SMG8: variants seen among roughly 807,000 people sequenced by gnomAD.
SMG8 encodes SMG8 nonsense mediated mRNA decay factor, also known as nonsense-mediated mRNA decay factor SMG8.
Under a neutral mutation model 82.1 loss-of-function variants are expected in SMG8, and 49 were observed. The observed-to-expected ratio is 0.60, with a 90% CI of 0.47 to 0.76. The LOEUF (loss-of-function observed/expected upper bound fraction) is 0.76. SMG8 is among the 30% of genes least tolerant of loss of function. The probability of loss-of-function intolerance (pLI) is 0.00; values close to 1 mark genes in which losing one functional copy is unlikely to be tolerated. For missense variants in SMG8, 969 were observed against 1,166.4 expected (o/e 0.83, Z 2.46); for synonymous variants, 404 against 430.0 (o/e 0.94, Z 0.75).
At position 59,213,200 on chromosome 17, in the gene SMG8, A is replaced by C. The variant is rs758578300; in HGVS notation, c.2377A>C (p.Asn793His). The C allele has an allele frequency of 3.1e-5, 50 of 1,614,062 alleles. No individual in the cohort carries two copies. In the Admixed American group the frequency reaches 6.0e-4, roughly 19 times the overall value. ...CCAACAGGGCTTTATTCCAGGAACA[A>C]ATTATCTTATGCCTTGGGACATTGT... ...LDQQGFIPGT[N>H]YLMPWDIVIR... The change falls in exon 3 of 4, where the codon AAT (asparagine) becomes CAT (histidine). Residue 793 changes from asparagine to histidine, a missense_variant. Around this residue, in one of 3 missense-constraint regions of SMG8, gnomAD observed 662 missense variants for 884.8 expected, o/e 0.75. Coordinates refer to ENST00000300917, the MANE Select transcript of SMG8 (RefSeq NM_018149.7).
In SMG8 at chr17:59,213,566, C is replaced by A; in HGVS notation, c.2743C>A (p.Pro915Thr). ...AQLMRLFVVV[P>T]DAPLQIILMP... Reference sequence around the variant, plus strand: ...ACTTATGAGGCTTTTTGTTGTGGTTCCTGATGCTCCTTTGCAGATAATACT... The same window carrying A: ...ACTTATGAGGCTTTTTGTTGTGGTTACTGATGCTCCTTTGCAGATAATACT... The change falls in exon 3 of 4, where the codon CCT (proline) becomes ACT (threonine). Residue 915 changes from proline to threonine, a missense_variant. Coordinates refer to ENST00000300917, the MANE Select transcript of SMG8 (RefSeq NM_018149.7). The A allele has an allele frequency of 6.2e-7, 1 of 1,613,488 alleles. No homozygotes were observed. Among genetic ancestry groups the A allele is most frequent in the Non-Finnish European group, 8.5e-7 (1 of 1,179,814 alleles).
rs766473219 is a variant in SMG8 at position 59,210,692 on chromosome 17, A to G, written c.641A>G (p.His214Arg). The G allele has an allele frequency of 6.2e-7, 1 of 1,613,958 alleles. No homozygotes were observed. The highest frequency in any genetic ancestry group is 2.2e-5 in the East Asian group (1 of 44,880). Residue 214 changes from histidine to arginine, a missense_variant, in exon 1 of 4, where the codon CAT becomes CGT. His to Arg is a conservative substitution (Grantham distance 29, BLOSUM62 0). Coordinates refer to ENST00000300917, the MANE Select transcript of SMG8 (RefSeq NM_018149.7). ...FSVCHILLLV[H>R]PTCSFDITYD... Reference sequence around the variant, plus strand: ...GTCTGTCATATCTTGCTTCTGGTCCATCCCACTTGTTCCTTTGATATCACT... The same window carrying G: ...GTCTGTCATATCTTGCTTCTGGTCCGTCCCACTTGTTCCTTTGATATCACT...
rs371885049 is a variant in SMG8, at chr17:59,211,219, C to T, written c.1168C>T (p.Leu390Phe). ...QVMRQHSRQQ[L>F]SFHIDSSSSS... ...GATGAGGCAGCACAGCCGACAACAACTTTCCTTTCACATTGACAGCAGCAG... is the reference window on the plus strand; with the variant it reads ...GATGAGGCAGCACAGCCGACAACAATTTTCCTTTCACATTGACAGCAGCAG... Residue 390 changes from leucine to phenylalanine, a missense_variant, in exon 1 of 4, where the codon CTT becomes TTT. Physicochemically the swap from Leu to Phe is conservative, Grantham distance 22. Around this residue, in one of 3 missense-constraint regions of SMG8, gnomAD observed 662 missense variants for 884.8 expected, o/e 0.75. Transcript: ENST00000300917. The T allele has an allele frequency of 6.8e-6, 11 of 1,614,070 alleles. No homozygotes were observed. Among genetic ancestry groups the T allele is most frequent in the Non-Finnish European group, 7.6e-6 (9 of 1,179,998 alleles).
rs752034249 is a variant in SMG8 at position 59,212,409 on chromosome 17, G to T, written c.1828G>T (p.Ala610Ser). The T allele has an allele frequency of 1.2e-6, 2 of 1,609,440 alleles. No homozygotes were observed. The highest frequency in any genetic ancestry group is 1.7e-6 in the Non-Finnish European group (2 of 1,176,424). The change falls in exon 2 of 4, where the codon GCT (alanine) becomes TCT (serine). Residue 610 changes from alanine to serine, a missense_variant. Around this residue, in one of 3 missense-constraint regions of SMG8, gnomAD observed 662 missense variants for 884.8 expected, o/e 0.75. Coordinates refer to ENST00000300917, the MANE Select transcript of SMG8 (RefSeq NM_018149.7). ...YHNSRARSTGACNCGRKQAPR... is the reference protein window; with the variant it reads ...YHNSRARSTGSCNCGRKQAPR... ...CAATAGCCGAGCTCGATCTACTGGT[G>T]CTTGCAACTGTGGAAGGAAACAAGC...
At position 59,213,604 on chromosome 17, in the gene SMG8, A is replaced by G; in HGVS notation, c.2778+3A>G. 6.3e-7 allele frequency: 1 copy of G among 1,594,344 alleles called. No homozygotes were observed. Among genetic ancestry groups the G allele is most frequent in the South Asian group, 1.1e-5 (1 of 87,520 alleles). ...TGCAGATAATACTAATGCCTCAGGT[A>G]AGAAATATAACCCTCTGCAGCCCCA... On this transcript the variant is annotated splice_donor_region_variant and intron_variant, in intron 3 of 3. Coordinates refer to ENST00000300917, the MANE Select transcript of SMG8 (RefSeq NM_018149.7).
chr17:59,213,015 A>G lies in SMG8; in HGVS notation c.2192A>G (p.Glu731Gly), dbSNP rs1472950508. 3 of 1,614,084 alleles carry G rather than the reference A, an allele frequency of 1.9e-6. No individual in the cohort carries two copies. Among genetic ancestry groups the G allele is most frequent in the Non-Finnish European group, 2.5e-6 (3 of 1,180,056 alleles). ...EVHGQVEVKT[E>G]KRPNFVDRQA... Reference sequence around the variant, plus strand: ...CATGGTCAAGTAGAAGTGAAAACTGAGAAGAGGCCAAACTTCGTTGATCGA... The same window carrying G: ...CATGGTCAAGTAGAAGTGAAAACTGGGAAGAGGCCAAACTTCGTTGATCGA... The change falls in exon 3 of 4, where the codon GAG becomes GGG. Residue 731 changes from glutamate (E) to glycine (G), a missense_variant. This residue lies in a region of SMG8 where 662 missense variants were observed against 884.8 expected (regional missense o/e 0.75). Coordinates refer to ENST00000300917, the MANE Select transcript of SMG8 (RefSeq NM_018149.7).
chr17:59,213,335 C>A lies in SMG8; in HGVS notation c.2512C>A (p.Arg838=). ...RSAVVMGRGR[R]RDDIARAFVG... Reference sequence around the variant, plus strand: ...TGCGGTTGTAATGGGAAGAGGAAGACGGCGAGATGACATAGCTCGAGCTTT... The same window carrying A: ...TGCGGTTGTAATGGGAAGAGGAAGAAGGCGAGATGACATAGCTCGAGCTTT... Residue 838 remains arginine (R), a synonymous_variant, in exon 3 of 4, where the codon CGG becomes AGG. Transcript: ENST00000300917. 3 of 1,614,128 alleles carry A rather than the reference C, an allele frequency of 1.9e-6. No individual in the cohort carries two copies. The South Asian group carries it at 3.3e-5, about 18-fold the overall frequency.
Position 59,214,903 on chromosome 17 carries a change from A to G in SMG8, c.2877A>G (p.Ala959=), listed in dbSNP as rs771803275. ...TTTGGGTTTTGAGATTTCCTTATGC[A>G]TATGTGACTGAGAGAGGACCTTGTT... ...DGLWVLRFPY[A]YVTERGPCFP... Residue 959 remains alanine, a synonymous_variant, in exon 4 of 4, where the codon GCA becomes GCG. Transcript: ENST00000300917. 1.1e-6 allele frequency: 1 copy of G among 872,852 alleles called. No homozygotes were observed. Among genetic ancestry groups the G allele is most frequent in the African/African-American group, 1.6e-5 (1 of 61,322 alleles). The allele number at this position is 872,852 out of a possible 1,614,324, so 54.1% of individuals were successfully genotyped here. A position where few individuals can be genotyped will look rare whatever the true frequency, so the allele number is the denominator to read the frequency against.
Position 59,211,078 on chromosome 17 carries a change from C to G in SMG8, c.1027C>G (p.Gln343Glu). The change falls in exon 1 of 4, where the codon CAG becomes GAG. Residue 343 changes from glutamine to glutamate, a missense_variant. Physicochemically the swap from Gln to Glu is conservative, Grantham distance 29 (BLOSUM62 2). Around this residue, in one of 3 missense-constraint regions of SMG8, gnomAD observed 662 missense variants for 884.8 expected, o/e 0.75. Coordinates refer to ENST00000300917, the MANE Select transcript of SMG8 (RefSeq NM_018149.7). ...TTTCGTGTACATAGTACCGGGAAGC[C>G]AGGAGGAGGACCCAGTAGGTATGTT... is the stretch of plus-strand genomic sequence containing the variant. ...QAFVYIVPGS[Q>E]EEDPVGMLLD... 1 of 1,614,162 alleles carries G rather than the reference C, an allele frequency of 6.2e-7. No homozygotes were observed. The highest frequency in any genetic ancestry group is 1.1e-5 in the South Asian group (1 of 91,082).
rs898177948 is a variant in SMG8, at chr17:59,210,337, G to C, written c.286G>C (p.Ala96Pro). The change falls in exon 1 of 4, where the codon GCT becomes CCT. Residue 96 changes from alanine (A) to proline (P), a missense_variant. Coordinates refer to ENST00000300917, the MANE Select transcript of SMG8 (RefSeq NM_018149.7). ...GDPGPGIRTE[A>P]GAVGEAGGAE... ...TCCAGGACCTGGAATCAGAACTGAG[G>C]CTGGCGCCGTGGGTGAGGCCGGTGG... The C allele has an allele frequency of 4.3e-6, 7 of 1,612,578 alleles. No individual in the cohort carries two copies. In the Middle Eastern group the frequency reaches 9.9e-4, roughly 228 times the overall value.
intron 2 of SMG8, 27 bp from the exon 3 acceptor site, chr17:59,212,702 C>T (rs1399775501): frequency 2.6e-6 from 4 of 1,556,606 alleles, no homozygotes; most frequent in Non-Finnish European, 3.5e-6. Context: ...GAAAAACTTA[C>T]TGGATTTTTT....
intron 1 of SMG8, 128 bp from the exon 2 acceptor site, chr17:59,212,213 C>A: frequency 2.9e-6 from 2 of 679,296 alleles, no homozygotes; most frequent in Admixed American, 2.7e-5. Context: ...ATTTTATATA[C>A]TTTCACTTGC....
rs762887002 is a variant in SMG8 at position 59,215,011 on chromosome 17, C to T, written c.*9C>T. Reference sequence around the variant, plus strand: ...AGGCAGTAACACAATAAGTGTTTTCCAGCCAGTTCAATCCTATACTTGAGC... The same window carrying T: ...AGGCAGTAACACAATAAGTGTTTTCTAGCCAGTTCAATCCTATACTTGAGC... On this transcript the variant is annotated 3_prime_UTR_variant, in exon 4 of 4. Coordinates refer to ENST00000300917, the MANE Select transcript of SMG8 (RefSeq NM_018149.7). 47 of 872,090 alleles carry T rather than the reference C, an allele frequency of 5.4e-5. No homozygotes were observed. The highest frequency in any genetic ancestry group is 2.6e-5 in the Non-Finnish European group (13 of 501,182). 54.0% of individuals were successfully genotyped at this position (872,090 alleles called of 1,614,324 possible).
At position 59,211,127 on chromosome 17, in the gene SMG8, G is replaced by T; in HGVS notation, c.1076G>T (p.Cys359Phe). Residue 359 changes from cysteine to phenylalanine, a missense_variant, in exon 1 of 4, where the codon TGT becomes TTT. By Grantham distance (205) the Cys-to-Phe change is radical (BLOSUM62 -2). Transcript: ENST00000300917. ...GMLLDQLRSHCTVKDPESLLV... is the reference protein window; with the variant it reads ...GMLLDQLRSHFTVKDPESLLV... ...TTGCTGGACCAACTTAGGAGTCATT[G>T]TACTGTGAAGGACCCGGAATCTTTG... 1 of 1,614,198 alleles carries T rather than the reference G, an allele frequency of 6.2e-7. No individual in the cohort carries two copies. Among genetic ancestry groups the T allele is most frequent in the Non-Finnish European group, 8.5e-7 (1 of 1,180,024 alleles).
In SMG8 at chr17:59,210,940, A is replaced by T; in HGVS notation, c.889A>T (p.Lys297Ter). The T allele has an allele frequency of 1.2e-6, 2 of 1,614,168 alleles. No individual in the cohort carries two copies. The highest frequency in any genetic ancestry group is 1.7e-6 in the Non-Finnish European group (2 of 1,180,034). Residue 297 changes from lysine (K) to a stop codon, truncating the protein, a stop_gained, in exon 1 of 4, where the codon AAA becomes TAA. Transcript: ENST00000300917. LOFTEE classifies it high-confidence loss of function. The part of the protein sequence containing the change: ...HPDKPKKHSP[K>*]RRLQHALEDQ... ...AGACAAGCCCAAGAAACATTCTCCCAAAAGGAGGCTGCAGCATGCCCTGGA... is the reference window on the plus strand; with the variant it reads ...AGACAAGCCCAAGAAACATTCTCCCTAAAGGAGGCTGCAGCATGCCCTGGA...
chr17:59,210,150 C>G lies in SMG8; in HGVS notation c.99C>G (p.Ser33Arg). ...PGGSPTEGGG[S>R]AAGGPEPPWR... ...GGTCCCCTACTGAGGGCGGAGGGAG[C>G]GCGGCTGGCGGACCGGAGCCTCCAT... is the stretch of plus-strand genomic sequence containing the variant. Residue 33 changes from serine (S) to arginine (R), a missense_variant, in exon 1 of 4, where the codon AGC (serine) becomes AGG (arginine). Coordinates refer to ENST00000300917, the MANE Select transcript of SMG8 (RefSeq NM_018149.7). 6.3e-7 allele frequency: 1 copy of G among 1,585,966 alleles called. No homozygotes were observed. The highest frequency in any genetic ancestry group is 8.6e-7 in the Non-Finnish European group (1 of 1,166,820).
chr17:59,214,849 A>G lies in SMG8; in HGVS notation c.2823A>G (p.Lys941=). Residue 941 remains lysine, a synonymous_variant, in exon 4 of 4, where the codon AAA becomes AAG. Transcript: ENST00000300917. The part of the protein sequence containing the change: ...PPPCPVFYPE[K]QEITLPPDGL... ...CATGTCCGGTATTCTACCCAGAAAA[A>G]CAAGAAATCACCCTTCCACCTGATG... is the stretch of plus-strand genomic sequence containing the variant. 1.1e-6 allele frequency: 1 copy of G among 872,974 alleles called. No individual in the cohort carries two copies. The highest frequency in any genetic ancestry group is 1.3e-5 in the South Asian group (1 of 76,540). 54.1% of individuals were successfully genotyped at this position (872,974 alleles called of 1,614,324 possible).
At chr17:59,214,747 C>T (rs891673108) in intron 3 of SMG8, 58 bp from the exon 4 acceptor site, 224 of 848,176 alleles carry the variant, frequency 2.6e-4, no homozygotes, top group Admixed American at 1.4e-4. Context: ...AGGCATTTAT[C>T]TTTCAGTTGT....
In SMG8 at chr17:59,212,773, C is replaced by T. The variant is rs957739533; in HGVS notation, c.1950C>T (p.Phe650=). ...KCCGKLDHIN[F]PVFEPSTPDP... is the part of the protein sequence containing the mutation. Reference sequence around the variant, plus strand: ...GTGGAAAATTGGATCATATCAATTTCCCAGTATTTGAACCAAGTACTCCAG... The same window carrying T: ...GTGGAAAATTGGATCATATCAATTTTCCAGTATTTGAACCAAGTACTCCAG... Residue 650 remains phenylalanine (F), a synonymous_variant, in exon 3 of 4, where the codon TTC becomes TTT. Transcript: ENST00000300917. 2 of 1,611,042 alleles carry T rather than the reference C, an allele frequency of 1.2e-6. No individual in the cohort carries two copies. Among genetic ancestry groups the T allele is most frequent in the South Asian group, 2.2e-5 (2 of 90,208 alleles).
Sources: allele counts gnomAD v4.1 joint callset, GRCh38; gene constraint gnomAD v4.1.1; regional missense constraint gnomAD v4.1.1; transcripts MANE v1.5; gene names NCBI Gene and HGNC (gene_info 2026-07-23, HGNC 2026-07-21).